Variants in PNLIPRP3 observed in about 807,000 individuals in gnomAD.
PNLIPRP3 encodes pancreatic lipase-related protein 3.
Under a neutral mutation model 52.8 loss-of-function variants are expected in PNLIPRP3, and 58 were observed. The ratio of observed to expected loss-of-function variants is 1.10; its 90% CI spans 0.89 to 1.37. The LOEUF (loss-of-function observed/expected upper bound fraction) is 1.37. Among genes scored for constraint, PNLIPRP3 ranks in the 40% most tolerant of loss-of-function variants. The probability of loss-of-function intolerance (pLI) is 0.00; values close to 1 mark genes in which losing one functional copy is unlikely to be tolerated. For missense variants in PNLIPRP3, 593 were observed against 561.6 expected, an observed-to-expected ratio of 1.06 and a Z score of -0.57; for synonymous variants, 192 against 185.0, an observed-to-expected ratio of 1.04 and a Z score of -0.31.
intron 4 of PNLIPRP3, 101 bp downstream of exon 4, chr10:116,444,614 G>A: frequency 8.6e-7 from 1 of 1,163,560 alleles, no homozygotes. Context: ...AGCTTAGACA[G>A]GTACTGAACA....
At chr10:116,433,143 A>AAAAAAAAAAC (rs1845730588) in intron 1 of PNLIPRP3, among the ~76,000 whole-genome samples, 1 of 148,810 alleles carries the variant, frequency 6.7e-6, no homozygotes, top group Non-Finnish European at 1.5e-5. Flanking sequence ...AAAAAAAAAA[A>AAAAAAAAAAC]AAAGTCTTGG....
chr10:116,439,379 A>G, intron 2 of PNLIPRP3: 2 of 514,646 alleles, frequency 3.9e-6, no homozygotes, highest in South Asian at 2.2e-5. Flanking sequence ...GGCAACAGAC[A>G]CTTCTCAGAT....
At chr10:116,448,212 ATAAC>A (rs1845984002) in intron 4 of PNLIPRP3, among the ~76,000 whole-genome samples, 1 of 152,202 alleles carries the variant, frequency 6.6e-6, no homozygotes, top group Admixed American at 6.5e-5. Flanking sequence ...AAGAATAACT[ATAAC>A]TAAAAATATG....
In PNLIPRP3 at chr10:116,476,786, T is replaced by G. The variant is rs773138962; in HGVS notation, c.1307T>G (p.Met436Arg). ...TCTCAGAATAAGTTGGGAGCAGAAA[T>G]GGTGATAAATACATCTGGGAAATAT... ...EDSQNKLGAE[M>R]VINTSGKYGY... The change falls in exon 11 of 12, where the codon ATG (methionine) becomes AGG (arginine). Residue 436 changes from methionine to arginine, a missense_variant. Transcript: ENST00000369230. 1 of 1,607,614 alleles carries G rather than the reference T, an allele frequency of 6.2e-7. No homozygotes were observed. Among genetic ancestry groups the G allele is most frequent in the South Asian group, 1.1e-5 (1 of 89,432 alleles).
chr10:116,436,889 A>G, intron 2 of PNLIPRP3, 24 bp downstream of exon 2: 1 of 1,550,786 alleles, frequency 6.4e-7, no homozygotes, highest in Non-Finnish European at 8.8e-7. Context: ...CAGCCTTCAC[A>G]CATGGATTAT....
chr10:116,474,632 G>A (rs1029941612), intron 10 of PNLIPRP3, among the ~76,000 whole-genome samples: 5 of 151,974 alleles, frequency 3.3e-5, no homozygotes, highest in East Asian at 1.9e-4. Context: ...ATTACCAAGC[G>A]GGCAAAGGAC....
intron 4 of PNLIPRP3, among the ~76,000 whole-genome samples, chr10:116,451,713 G>A (rs1846040123): frequency 6.6e-6 from 1 of 152,072 alleles, no homozygotes; most frequent in Non-Finnish European, 1.5e-5. Flanking sequence ...GTAAGCTTCC[G>A]GACATAAGCA....
chr10:116,468,552 A>C (rs181844018), intron 8 of PNLIPRP3, among the ~76,000 whole-genome samples: 344 of 152,334 alleles, frequency 2.3e-3, no homozygotes, highest in African/African-American at 8.1e-3. Flanking sequence ...CATAATAGCC[A>C]ATCACCAAAA....
At chr10:116,446,215 G>A (rs770995716) in intron 4 of PNLIPRP3, among the ~76,000 whole-genome samples, 3 of 151,710 alleles carry the variant, frequency 2.0e-5, no homozygotes, top group Non-Finnish European at 4.4e-5. Flanking sequence ...GTGTGTTGGC[G>A]GGCACCTGTA....
At chr10:116,451,909 G>C (rs1022196716) in intron 4 of PNLIPRP3, among the ~76,000 whole-genome samples, 1 of 152,200 alleles carries the variant, frequency 6.6e-6, no homozygotes, top group African/African-American at 2.4e-5. Context: ...AAGTGATTTT[G>C]GAGCTGGGAA....
intron 2 of PNLIPRP3, among the ~76,000 whole-genome samples, chr10:116,440,940 T>C (rs572572677): frequency 3.9e-5 from 6 of 152,186 alleles, no homozygotes; most frequent in Non-Finnish European, 7.3e-5. Flanking sequence ...TCGTACCTAT[T>C]ATGCTTCATG....
intron 10 of PNLIPRP3, among the ~76,000 whole-genome samples, chr10:116,472,912 T>G (rs542796341): frequency 2.6e-5 from 4 of 152,370 alleles, no homozygotes; most frequent in African/African-American, 9.6e-5. Flanking sequence ...CTATTTTGTT[T>G]CTACCTCTTC....
At chr10:116,440,015 C>T (rs753855358) in intron 2 of PNLIPRP3, 12 of 767,446 alleles carry the variant, frequency 1.6e-5, no homozygotes, top group African/African-American at 6.8e-5. Context: ...GACATCTTGC[C>T]GTTTGGTTTC....
chr10:116,469,192 GCTT>G lies in PNLIPRP3; in HGVS notation c.939_941del (p.Phe314del), dbSNP rs1846327101. The G allele has an allele frequency of 6.2e-7, 1 of 1,609,998 alleles. No individual in the cohort carries two copies. The highest frequency in any genetic ancestry group is 1.7e-5 in the Admixed American group (1 of 59,366). On this transcript the variant is annotated inframe_deletion, in exon 9 of 12. Transcript: ENST00000369230. ...TTCATTTTCTGTCATCAGGGAAATT[GCTT>G]CTTTTGTTCCAAAGAAGGTTGCCCA... is the stretch of plus-strand genomic sequence containing the variant.
At chr10:116,440,221 T>C (rs1173187756) in intron 2 of PNLIPRP3, among the ~76,000 whole-genome samples, 2 of 152,150 alleles carry the variant, frequency 1.3e-5, no homozygotes, top group African/African-American at 4.8e-5. Context: ...GGCTCATTGA[T>C]CCTTTTATCC....
At chr10:116,439,435 A>G in intron 2 of PNLIPRP3, 3 of 619,798 alleles carry the variant, frequency 4.8e-6, no homozygotes, top group South Asian at 3.4e-5. Context: ...AGTATTCACA[A>G]GGAGACAGAT....
chr10:116,440,122 G>A (rs1845835836), intron 2 of PNLIPRP3: 2 of 636,950 alleles, frequency 3.1e-6, no homozygotes, highest in Non-Finnish European at 5.6e-6. Context: ...GTATTTGGGG[G>A]CACCTTCTCT....
Position 116,444,435 on chromosome 10 carries a change from T to A in PNLIPRP3, c.378T>A (p.Gly126=). ...GCATTAATTTAGATTGGATCAACGG[T>A]TCACGGGAATACATCCATGCTGTAA... is the stretch of plus-strand genomic sequence containing the variant. ...INCINLDWIN[G]SREYIHAVNN... The change falls in exon 4 of 12, where the codon GGT becomes GGA. Residue 126 remains glycine, a synonymous_variant. Coordinates refer to ENST00000369230, the MANE Select transcript of PNLIPRP3 (RefSeq NM_001011709.3). 6.2e-7 allele frequency: 1 copy of A among 1,612,992 alleles called. No homozygotes were observed.
At chr10:116,432,986 C>A (rs886929846) in intron 1 of PNLIPRP3, among the ~76,000 whole-genome samples, 6 of 151,418 alleles carry the variant, frequency 4.0e-5, no homozygotes, top group South Asian at 2.1e-4. Context: ...TGGAGGTGCA[C>A]ACCTGTAATC....
Sources: gnomAD v4.1 joint callset for allele counts (sites outside exome capture counted in the v4.1 genomes callset) on GRCh38, gnomAD v4.1.1 for gene constraint, MANE v1.5 for transcripts, NCBI Gene and HGNC (gene_info 2026-07-23, HGNC 2026-07-21) for gene names.